The following BPGM variants were observed in gnomAD, a reference collection of about 807,000 sequenced individuals.
BPGM encodes the protein bisphosphoglycerate mutase, also known as 2,3-bisphosphoglycerate mutase, erythrocyte.
In BPGM, 15 loss-of-function variants were observed where a neutral mutation model predicts 21.6. The ratio of observed to expected loss-of-function variants is 0.70; its 90% CI spans 0.47 to 1.07. BPGM has a LOEUF of 1.07. BPGM is among the 50% of genes least tolerant of loss of function. The pLI, the probability that BPGM is intolerant of heterozygous loss-of-function variation, is 0.00. For missense variants in BPGM, 273 were observed against 319.0 expected (o/e 0.86, Z 1.10); for synonymous variants, 113 against 116.2 (o/e 0.97, Z 0.18).
In BPGM at chr7:134,646,945, G is replaced by A; in HGVS notation, c.-62+8G>A. The A allele has an allele frequency of 5.7e-6, 1 of 176,178 alleles. No individual in the cohort carries two copies. The highest frequency in any genetic ancestry group is 1.2e-5 in the Non-Finnish European group (1 of 81,062). 10.9% of individuals were successfully genotyped at this position (176,178 alleles called of 1,614,324 possible). A position where few individuals can be genotyped will look rare whatever the true frequency, so the allele number is the denominator to read the frequency against. On this transcript the variant is annotated splice_region_variant and intron_variant, in intron 1 of 2. Transcript: ENST00000344924. ...CTGGTGGCCCCTTTGCAGGTGAGTG[G>A]CTTTGTTTTAGAAAATGTTGCGAAC...
At chr7:134,651,453 A>T (rs1434843440) in intron 1 of BPGM, among the ~76,000 whole-genome samples, 1 of 152,176 alleles carries the variant, frequency 6.6e-6, no homozygotes, top group Non-Finnish European at 1.5e-5. Context: ...GAGTACTTAT[A>T]ACAGAGGAGC....
chr7:134,670,504 G>A (rs1277041375), intron 2 of BPGM, among the ~76,000 whole-genome samples: 4 of 152,100 alleles, frequency 2.6e-5, no homozygotes, highest in African/African-American at 7.2e-5. Context: ...AAAATTAAAC[G>A]TAGAATGGAT....
In BPGM at chr7:134,679,805, G is replaced by T. The variant is rs1231638005; in HGVS notation, c.*774G>T. The T allele has an allele frequency of 4.6e-5, 7 of 152,180 alleles. No homozygotes were observed. Among genetic ancestry groups the T allele is most frequent in the Non-Finnish European group, 7.4e-5 (5 of 68,026 alleles). 9.4% of individuals were successfully genotyped at this position (152,180 alleles called of 1,614,324 possible). A position where few individuals can be genotyped will look rare whatever the true frequency, so the allele number is the denominator to read the frequency against. On this transcript the variant is annotated 3_prime_UTR_variant, in exon 3 of 3. Coordinates refer to ENST00000344924, the MANE Select transcript of BPGM (RefSeq NM_001724.5). The stretch of plus-strand genomic sequence containing the variant: ...TCCTGATAATAAAGTGACTGAAAAT[G>T]GCATCCCCAAAGTGTCTCCGTGTGT...
At chr7:134,647,491 A>AT (rs1373289572) in intron 1 of BPGM, among the ~76,000 whole-genome samples, 6 of 152,216 alleles carry the variant, frequency 3.9e-5, no homozygotes, top group Non-Finnish European at 2.9e-5. Flanking sequence ...ACGTAAGTGT[A>AT]TTTTCCTCTT....
intron 2 of BPGM, among the ~76,000 whole-genome samples, chr7:134,671,363 CTT>C (rs563524361): frequency 1.3e-4 from 18 of 133,906 alleles, no homozygotes; most frequent in Admixed American, 2.3e-4. Flanking sequence ...ACATTTTGTT[CTT>C]TTTTTTTTTT....
intron 1 of BPGM, among the ~76,000 whole-genome samples, chr7:134,650,180 G>A (rs748391001): frequency 6.6e-6 from 1 of 152,206 alleles, no homozygotes; most frequent in Non-Finnish European, 1.5e-5. Context: ...CACAGTTTGT[G>A]TTGATAAAAG....
chr7:134,669,032 G>A (rs1223186062), intron 2 of BPGM, among the ~76,000 whole-genome samples: 2 of 152,154 alleles, frequency 1.3e-5, no homozygotes, highest in Non-Finnish European at 2.9e-5. Flanking sequence ...TAAAAAGGGT[G>A]ACTTTTGCTA....
chr7:134,673,619 T>C (rs1265327295), intron 2 of BPGM, among the ~76,000 whole-genome samples: 1 of 152,228 alleles, frequency 6.6e-6, no homozygotes, highest in Non-Finnish European at 1.5e-5. Flanking sequence ...AATCGCAGTG[T>C]GTTAGCTGGG....
At chr7:134,669,587 A>G (rs867978100) in intron 2 of BPGM, among the ~76,000 whole-genome samples, 2 of 152,042 alleles carry the variant, frequency 1.3e-5, no homozygotes, top group South Asian at 4.2e-4. Context: ...GCTAGATAAC[A>G]CTCTTGTATA....
Position 134,662,014 on chromosome 7 carries a change from G to C in BPGM, c.507G>C (p.Trp169Cys), listed in dbSNP as rs2131432861. The change falls in exon 2 of 3, where the codon TGG (tryptophan) becomes TGC (cysteine). Residue 169 changes from tryptophan to cysteine, a missense_variant. By Grantham distance (215) the Trp-to-Cys change is radical. Coordinates refer to ENST00000344924, the MANE Select transcript of BPGM (RefSeq NM_001724.5). ...KDVLERLLPY[W>C]NERIAPEVLR... ...TTCTGGAGAGACTCCTTCCCTATTG[G>C]AATGAAAGGATTGCTCCCGAAGTAT... 6.2e-7 allele frequency: 1 copy of C among 1,614,114 alleles called. No individual in the cohort carries two copies. The highest frequency in any genetic ancestry group is 8.5e-7 in the Non-Finnish European group (1 of 1,180,030).
rs939563932 is a variant in BPGM, at chr7:134,661,494, G to T, written c.-14G>T. 6.2e-7 allele frequency: 1 copy of T among 1,614,134 alleles called. No homozygotes were observed. Among genetic ancestry groups the T allele is most frequent in the Non-Finnish European group, 8.5e-7 (1 of 1,180,004 alleles). On this transcript the variant is annotated 5_prime_UTR_variant, in exon 2 of 3. Transcript: ENST00000344924. This position sits in a 1 kb window ranked among gnomAD's most constrained non-coding sequence, Gnocchi z 4.6. ...TAGCCCATTTGAAAACGCCTGGGAA[G>T]TTCAGCCATCAGTATGTCCAAGTAC...
At chr7:134,653,168 CTTATATA>C (rs1795582816) in intron 1 of BPGM, among the ~76,000 whole-genome samples, 3 of 152,106 alleles carry the variant, frequency 2.0e-5, no homozygotes, top group South Asian at 2.1e-4. Context: ...GATTTATTCA[CTTATATA>C]TTATGTATGG....
intron 2 of BPGM, among the ~76,000 whole-genome samples, chr7:134,673,190 T>TAATAAAATAAAATAAAATAAAATAA (rs951578933): frequency 6.6e-6 from 1 of 152,126 alleles, no homozygotes; most frequent in South Asian, 2.1e-4. Flanking sequence ...AAAATAATAA[T>TAATAAAATAAAATAAAATAAAATAA]AATAAAATAA....
At chr7:134,663,926 A>G (rs374175900) in intron 2 of BPGM, among the ~76,000 whole-genome samples, 1 of 152,318 alleles carries the variant, frequency 6.6e-6, no homozygotes, top group East Asian at 1.9e-4. Context: ...GGGAAATCGG[A>G]AAGTTTAACA....
intron 2 of BPGM, among the ~76,000 whole-genome samples, chr7:134,667,992 T>C (rs1167192883): frequency 1.3e-5 from 2 of 152,212 alleles, no homozygotes; most frequent in Non-Finnish European, 2.9e-5. Flanking sequence ...CTCAAATTGC[T>C]TTAAGATCTT....
chr7:134,652,047 TTTAG>T (rs1337892343), intron 1 of BPGM, among the ~76,000 whole-genome samples: 1 of 152,190 alleles, frequency 6.6e-6, no homozygotes, highest in Non-Finnish European at 1.5e-5. Context: ...TCCTAAATAA[TTTAG>T]TTAAGCAAAA....
intron 1 of BPGM, among the ~76,000 whole-genome samples, chr7:134,653,569 T>C (rs1449904355): frequency 6.6e-6 from 1 of 152,210 alleles, no homozygotes; most frequent in African/African-American, 2.4e-5. Context: ...TGTGTCACTA[T>C]TTTTTCTTAT....
chr7:134,659,017 T>C (rs1795686998), intron 1 of BPGM, among the ~76,000 whole-genome samples: 1 of 152,100 alleles, frequency 6.6e-6, no homozygotes, highest in Non-Finnish European at 1.5e-5. Context: ...CTACATTGTT[T>C]TGTCCCCTTG....
At chr7:134,671,978 T>A (rs1220425350) in intron 2 of BPGM, among the ~76,000 whole-genome samples, 2 of 152,120 alleles carry the variant, frequency 1.3e-5, no homozygotes, top group Non-Finnish European at 2.9e-5. Context: ...AGATGTACAG[T>A]GTACATAACA....
Sources: allele counts gnomAD v4.1 joint callset (sites outside exome capture counted in the v4.1 genomes callset), GRCh38; gene constraint gnomAD v4.1.1; non-coding constraint Gnocchi (gnomAD v3.1); transcripts MANE v1.5; gene names NCBI Gene and HGNC (gene_info 2026-07-23, HGNC 2026-07-21).